POLE: variants seen among roughly 807,000 people sequenced by gnomAD.
POLE encodes the protein DNA polymerase epsilon catalytic subunit A.
In POLE, 188 loss-of-function variants were observed where a neutral mutation model predicts 279.2. That is an observed-to-expected ratio of 0.67 (90% CI 0.60 to 0.76). The LOEUF (loss-of-function observed/expected upper bound fraction) is 0.76, where lower values mean the gene tolerates loss of function less well. Ranked by LOEUF, POLE falls within the 30% of genes least tolerant of loss-of-function variation. The pLI is 0.00. For synonymous variants in POLE, 1,214 were observed against 1,172.5 expected (o/e 1.04, Z -0.72); for missense variants, 2,703 against 3,016.7 (o/e 0.90, Z 2.44).
Position 132,624,714 on chromosome 12 carries a change from G to T in POLE, c.6844C>A (p.Pro2282Thr), listed in dbSNP as rs760606145. The T allele has an allele frequency of 6.2e-7, 1 of 1,610,602 alleles. No individual in the cohort carries two copies. Among genetic ancestry groups the T allele is most frequent in the Non-Finnish European group, 8.5e-7 (1 of 1,177,024 alleles). ...ETLEWLLQKN[P>T]QLGH is the part of the protein sequence containing the mutation. ...GGGGCTGGCTAATGGCCCAGCTGTG[G>T]GTTCTTCTGCAGCAGCCACTCCAGG... is the stretch of plus-strand genomic sequence containing the variant. The change falls in exon 49 of 49, where the codon CCA becomes ACA. Residue 2282 changes from proline to threonine, a missense_variant. By Grantham distance (38) the Pro-to-Thr change is conservative. Coordinates refer to ENST00000320574, the MANE Select transcript of POLE (RefSeq NM_006231.4).
At position 132,673,983 on chromosome 12, in the gene POLE, T is replaced by G. The variant is rs5744772; in HGVS notation, c.1227-276A>C. On this transcript the variant is annotated intron_variant, in intron 12 of 48. Coordinates refer to ENST00000320574, the MANE Select transcript of POLE (RefSeq NM_006231.4). Reference sequence around the variant, plus strand: ...CATCCTCAGCAGAGTTTGTGGCCTCTCCGACGGGCGCCCCACCTCCTTGGG... The same window carrying G: ...CATCCTCAGCAGAGTTTGTGGCCTCGCCGACGGGCGCCCCACCTCCTTGGG... 0.5 allele frequency among the ~76,000 whole-genome samples: 75,827 copies of G among 151,738 alleles called. 19,553 individuals are homozygous for G. The highest frequency in any genetic ancestry group is 0.7 in the East Asian group (3,580 of 5,114).
At position 132,661,515 on chromosome 12, in the gene POLE, TG is replaced by T; in HGVS notation, c.2864+11del. On this transcript the variant is annotated intron_variant, in intron 24 of 48. Transcript: ENST00000320574. This position sits in a 1 kb window ranked among gnomAD's most constrained non-coding sequence, Gnocchi z 4.1. Reference sequence around the variant, plus strand: ...TGTCCTTTCTAAAGCACAAAAGCTATGAGAGTCCCACCTCTTCTTCAATTTC... The same window carrying T: ...TGTCCTTTCTAAAGCACAAAAGCTATAGAGTCCCACCTCTTCTTCAATTTC... 1.2e-6 allele frequency: 2 copies of T among 1,613,536 alleles called. No individual in the cohort carries two copies.
At position 132,625,927 on chromosome 12, in the gene POLE, G is replaced by A. The variant is rs5745070; in HGVS notation, c.6532-157C>T. 46 of 1,160,828 alleles carry A rather than the reference G, an allele frequency of 4.0e-5. No individual in the cohort carries two copies. The African/African-American group carries it at 5.7e-4, about 14-fold the overall frequency. The allele number at this position is 1,160,828 out of a possible 1,614,324, so 71.9% of individuals were successfully genotyped here. ...GCACTCTGGCCTCCCACCTGCACTT[G>A]AGCCCTTCCTAGGACAACATTCCGA... is the stretch of plus-strand genomic sequence containing the variant. On this transcript the variant is annotated intron_variant, in intron 46 of 48. Coordinates refer to ENST00000320574, the MANE Select transcript of POLE (RefSeq NM_006231.4).
chr12:132,650,657 T>C (rs1011014938), intron 29 of POLE: 2 of 152,094 alleles, frequency 1.3e-5, no homozygotes, highest in African/African-American at 2.4e-5. Context: ...AAAACGTCAC[T>C]CAATACCACC....
Position 132,680,159 on chromosome 12 carries a change from G to A in POLE, c.330+19C>T, listed in dbSNP as rs2136029498. 1 of 1,612,922 alleles carries A rather than the reference G, an allele frequency of 6.2e-7. No individual in the cohort carries two copies. The highest frequency in any genetic ancestry group is 1.7e-5 in the Admixed American group (1 of 60,026). ...ATGACACACAGGTCGTCTGACCTGA[G>A]TCTATGAAACACACTCACCTTTCTG... On this transcript the variant is annotated intron_variant, in intron 4 of 48. Coordinates refer to ENST00000320574, the MANE Select transcript of POLE (RefSeq NM_006231.4).
At chr12:132,630,566 A>G (rs568443473) in intron 45 of POLE, among the ~76,000 whole-genome samples, 1 of 152,258 alleles carries the variant, frequency 6.6e-6, no homozygotes, top group East Asian at 1.9e-4. Context: ...CCTGGCCAAC[A>G]TGGTGAAACT....
At chr12:132,641,530 C>G (rs931934685) in intron 39 of POLE, 117 bp downstream of exon 39, 1 of 821,280 alleles carries the variant, frequency 1.2e-6, no homozygotes, top group Non-Finnish European at 2.0e-6. Context: ...GTCTCTGGCT[C>G]TGCCATTAAG....
chr12:132,682,795 T>C (rs983350681), intron 1 of POLE, among the ~76,000 whole-genome samples: 10 of 150,926 alleles, frequency 6.6e-5, no homozygotes, highest in South Asian at 6.3e-4. Flanking sequence ...CTACTAAAAA[T>C]ACGAAAAATT....
At position 132,675,400 on chromosome 12, in the gene POLE, G is replaced by C. The variant is rs748536025; in HGVS notation, c.1224C>G (p.Leu408=). Residue 408 remains leucine, a splice_region_variant and synonymous_variant, in exon 12 of 49, where the codon CTC becomes CTG. Transcript: ENST00000320574. This position sits in a 1 kb window ranked among gnomAD's most constrained non-coding sequence, Gnocchi z 4.3. ...CCATGCTGCTCTGTGGCCCCTACCT[G>C]AGGCAGTCCATGTGGATGCACTGGG... ...KAPQCIHMDC[L]RWVKRDSYLP... 6.2e-7 allele frequency: 1 copy of C among 1,614,018 alleles called. No individual in the cohort carries two copies. Among genetic ancestry groups the C allele is most frequent in the Non-Finnish European group, 8.5e-7 (1 of 1,179,978 alleles).
intron 42 of POLE, among the ~76,000 whole-genome samples, chr12:132,635,086 G>A (rs183033124): frequency 2.0e-5 from 3 of 152,188 alleles, no homozygotes; most frequent in Admixed American, 2.0e-4. Flanking sequence ...AGTCCACTAT[G>A]AGGGCCCCTG....
At chr12:132,670,174 C>T (rs929744665) in intron 16 of POLE, among the ~76,000 whole-genome samples, 4 of 151,772 alleles carry the variant, frequency 2.6e-5, no homozygotes, top group Non-Finnish European at 5.9e-5. Context: ...AGTTCGAGAC[C>T]AGCCTGGCCA....
intron 32 of POLE, among the ~76,000 whole-genome samples, chr12:132,647,985 G>A (rs1429056297): frequency 2.0e-5 from 3 of 152,112 alleles, no homozygotes; most frequent in Non-Finnish European, 4.4e-5. Flanking sequence ...ACCTCCTTGT[G>A]TAGGTACAAA....
intron 6 of POLE, among the ~76,000 whole-genome samples, 159 bp from the exon 7 acceptor site, chr12:132,677,878 T>G (rs1480618780): frequency 6.6e-6 from 1 of 152,148 alleles, no homozygotes; most frequent in African/African-American, 2.4e-5. Flanking sequence ...GTCCTTCCTT[T>G]AAGAATGGCT....
At chr12:132,641,602 T>G in intron 39 of POLE, 45 bp downstream of exon 39, 2 of 1,535,822 alleles carry the variant, frequency 1.3e-6, no homozygotes, top group Non-Finnish European at 9.0e-7. Flanking sequence ...GGGCAAAGGA[T>G]AAGACCCTTC....
In POLE at chr12:132,643,907, T is replaced by C. The variant is rs775556994; in HGVS notation, c.4220A>G (p.Tyr1407Cys). The change falls in exon 33 of 49, where the codon TAC becomes TGC. Residue 1407 changes from tyrosine to cysteine, a missense_variant. This residue lies in a region of POLE where 1,551 missense variants were observed against 1,686.1 expected (regional missense o/e 0.92). Transcript: ENST00000320574. ...GTTGATCTCGTTGATGTGTTCCTGG[T>C]ACATGTCCTCTGGCACTGAATACTC... Reference protein sequence around the residue: ...LYEYSVPEDMYQEHINEINAE... With the variant: ...LYEYSVPEDMCQEHINEINAE... 6.2e-7 allele frequency: 1 copy of C among 1,614,156 alleles called. No individual in the cohort carries two copies. The highest frequency in any genetic ancestry group is 1.3e-5 in the African/African-American group (1 of 75,054).
At position 132,673,598 on chromosome 12, in the gene POLE, G is replaced by A. The variant is rs200403177; in HGVS notation, c.1336C>T (p.Arg446Trp). The stretch of plus-strand genomic sequence containing the variant: ...GCCTGGGGCTGCTCCGTGGCCATCC[G>A]GCACATGTCCTCCGGGTCTAGCTCC... ...PVELDPEDMC[R>W]MATEQPQTLA... Residue 446 changes from arginine (R) to tryptophan (W), a missense_variant, in exon 13 of 49, where the codon CGG (arginine) becomes TGG (tryptophan). By Grantham distance (101) the Arg-to-Trp change is moderately radical (BLOSUM62 -3). This residue lies in a region of POLE where 1,011 missense variants were observed against 1,111.7 expected (regional missense o/e 0.91). Coordinates refer to ENST00000320574, the MANE Select transcript of POLE (RefSeq NM_006231.4). The A allele has an allele frequency of 1.7e-5, 28 of 1,613,218 alleles. No individual in the cohort carries two copies. The East Asian group carries it at 2.9e-4, about 17-fold the overall frequency.
Position 132,665,304 on chromosome 12 carries a change from C to T in POLE, c.2466G>A (p.Lys822=), listed in dbSNP as rs2135961238. ...CTCCCGGGCCCGGGCCCACCTACCC[C>T]TTGCGCATGACATAGCCATAGAAGG... ...LNSFYGYVMR[K]GARWYSMEMA... The change falls in exon 21 of 49, where the codon AAG becomes AAA. Residue 822 remains lysine, a splice_region_variant and synonymous_variant. Transcript: ENST00000320574. 2 of 1,613,486 alleles carry T rather than the reference C, an allele frequency of 1.2e-6. No homozygotes were observed. The highest frequency in any genetic ancestry group is 1.1e-5 in the South Asian group (1 of 91,062).
intron 39 of POLE, among the ~76,000 whole-genome samples, chr12:132,640,838 T>C (rs1202995548): frequency 6.6e-6 from 1 of 152,216 alleles, no homozygotes; most frequent in Non-Finnish European, 1.5e-5. Flanking sequence ...CCTGGGCTAC[T>C]GTCTCTCTGC....
chr12:132,648,198 TA>T (rs1056123793), intron 32 of POLE, among the ~76,000 whole-genome samples: 1 of 152,066 alleles, frequency 6.6e-6, no homozygotes, highest in Non-Finnish European at 1.5e-5. Context: ...CCACCTACTG[TA>T]GGGTTCCATT....
Sources: gnomAD v4.1 joint callset for allele counts (sites outside exome capture counted in the v4.1 genomes callset) on GRCh38, gnomAD v4.1.1 for gene constraint, gnomAD v4.1.1 regional missense constraint, Gnocchi (gnomAD v3.1) non-coding constraint, MANE v1.5 for transcripts, NCBI Gene and HGNC (gene_info 2026-07-23, HGNC 2026-07-21) for gene names.